The following GABBR2 variants were observed in gnomAD, a reference collection of about 807,000 sequenced individuals.
GABBR2 encodes the protein gamma-aminobutyric acid type B receptor subunit 2.
A neutral mutation model predicts 105.6 loss-of-function variants in GABBR2; 23 were observed. The observed-to-expected ratio is 0.22, with a 90% CI of 0.16 to 0.31. GABBR2 has a LOEUF of 0.31. GABBR2 is among the 10% of genes least tolerant of loss of function. GABBR2 has a pLI of 1.00. For missense variants in GABBR2, 734 were observed against 1,245.5 expected, an observed-to-expected ratio of 0.59 and a Z score of 6.18; for synonymous variants, 478 against 499.7, an observed-to-expected ratio of 0.96 and a Z score of 0.58.
chr9:98,600,685 C>G (rs1829316322), intron 1 of GABBR2, among the ~76,000 whole-genome samples: 2 of 152,206 alleles, frequency 1.3e-5, no homozygotes, highest in Admixed American at 1.3e-4. Flanking sequence ...TGCAGGTTCC[C>G]CAAGGCAGAA....
chr9:98,611,109 G>T (rs912298315), intron 1 of GABBR2, among the ~76,000 whole-genome samples: 4 of 152,178 alleles, frequency 2.6e-5, no homozygotes, highest in Non-Finnish European at 4.4e-5. Flanking sequence ...GCTGCCTACA[G>T]AACCACCATC....
intron 3 of GABBR2, among the ~76,000 whole-genome samples, chr9:98,512,341 C>T (rs528758064): frequency 1.3e-4 from 19 of 150,452 alleles, no homozygotes; most frequent in South Asian, 8.7e-4. Context: ...CCTTTGAAAA[C>T]GGGCACAAGA....
chr9:98,388,928 G>C lies in GABBR2; in HGVS notation c.1455C>G (p.Leu485=), dbSNP rs772764618. Residue 485 remains leucine (L), a synonymous_variant, in exon 10 of 19, where the codon CTC becomes CTG. Coordinates refer to ENST00000259455, the MANE Select transcript of GABBR2 (RefSeq NM_005458.8). This position sits in a 1 kb window ranked among gnomAD's most constrained non-coding sequence, Gnocchi z 4.4. The part of the protein sequence containing the change: ...RKISLPLYSI[L]SALTILGMIM... The stretch of plus-strand genomic sequence containing the variant: ...TCATCCCGAGGATGGTGAGGGCAGA[G>C]AGGATGCTGTAGAGAGGTAGGGAGA... The C allele has an allele frequency of 2.5e-6, 4 of 1,613,694 alleles. No individual in the cohort carries two copies. Among genetic ancestry groups the C allele is most frequent in the South Asian group, 1.1e-5 (1 of 91,048 alleles).
chr9:98,434,079 T>A (rs1384740655), intron 7 of GABBR2, among the ~76,000 whole-genome samples: 1 of 152,108 alleles, frequency 6.6e-6, no homozygotes, highest in Non-Finnish European at 1.5e-5. Flanking sequence ...CACAATCTAA[T>A]CAGCTGCCAA....
chr9:98,501,125 GC>G (rs5899345), intron 3 of GABBR2, among the ~76,000 whole-genome samples: 55,192 of 119,096 alleles, frequency 0.46, 11,548 homozygotes, highest in African/African-American at 0.57. Flanking sequence ...AGGAACCACT[GC>G]CCCCCCCCCT....
intron 3 of GABBR2, among the ~76,000 whole-genome samples, chr9:98,506,264 G>T (rs758070696): frequency 6.6e-6 from 1 of 152,156 alleles, no homozygotes; most frequent in South Asian, 2.1e-4. Flanking sequence ...TGAGTATGGG[G>T]GCTGTAACAT....
intron 7 of GABBR2, among the ~76,000 whole-genome samples, chr9:98,429,288 C>T (rs1469017189): frequency 6.6e-6 from 1 of 151,920 alleles, no homozygotes; most frequent in African/African-American, 2.4e-5. Flanking sequence ...CACAGGCATG[C>T]ACCACCATGC....
At chr9:98,343,322 C>T (rs184690712) in intron 13 of GABBR2, among the ~76,000 whole-genome samples, 1 of 152,240 alleles carries the variant, frequency 6.6e-6, no homozygotes, top group Admixed American at 6.5e-5. Flanking sequence ...AGGATCCTGC[C>T]ACAGTGGCTG....
chr9:98,479,550 CG>C (rs1826867730), intron 5 of GABBR2, among the ~76,000 whole-genome samples: 1 of 152,196 alleles, frequency 6.6e-6, no homozygotes, highest in African/African-American at 2.4e-5. Flanking sequence ...AGAAGATGAT[CG>C]GACAGTTCTC....
chr9:98,580,073 C>T (rs945834127), intron 1 of GABBR2, among the ~76,000 whole-genome samples: 1 of 152,176 alleles, frequency 6.6e-6, no homozygotes, highest in African/African-American at 2.4e-5. Flanking sequence ...GCTGCTGACT[C>T]CCAATCTGGC....
chr9:98,323,963 G>C (rs1363951286), intron 13 of GABBR2, among the ~76,000 whole-genome samples: 1 of 152,142 alleles, frequency 6.6e-6, no homozygotes, highest in Non-Finnish European at 1.5e-5. Flanking sequence ...TCAATGTCAA[G>C]GTTTTCAGTT....
At chr9:98,449,233 G>A (rs981539621) in intron 7 of GABBR2, among the ~76,000 whole-genome samples, 18 of 152,014 alleles carry the variant, frequency 1.2e-4, no homozygotes, top group African/African-American at 3.1e-4. Flanking sequence ...TCCCCTAAGC[G>A]AAACCGTCTT....
chr9:98,622,386 G>C (rs1829681236), intron 1 of GABBR2, among the ~76,000 whole-genome samples: 1 of 152,056 alleles, frequency 6.6e-6, no homozygotes, highest in Non-Finnish European at 1.5e-5. Context: ...GGCTGGTCTT[G>C]AACTCCTGGA....
intron 3 of GABBR2, among the ~76,000 whole-genome samples, chr9:98,512,835 G>T (rs1432906419): frequency 6.6e-6 from 1 of 152,154 alleles, no homozygotes; most frequent in East Asian, 1.9e-4. Context: ...ACTGCCCAAG[G>T]TAATTTATAG....
At chr9:98,412,215 C>A (rs930443349) in intron 7 of GABBR2, among the ~76,000 whole-genome samples, 2 of 152,248 alleles carry the variant, frequency 1.3e-5, no homozygotes, top group East Asian at 3.8e-4. Flanking sequence ...GTGTTACAGG[C>A]AACGCCTGGG....
intron 13 of GABBR2, among the ~76,000 whole-genome samples, chr9:98,316,350 C>T (rs1223971752): frequency 2.6e-5 from 4 of 152,162 alleles, no homozygotes; most frequent in Non-Finnish European, 4.4e-5. Flanking sequence ...CGGGGTTTCT[C>T]CATGTTGGTC....
At chr9:98,355,908 CA>C (rs1166783524) in intron 13 of GABBR2, among the ~76,000 whole-genome samples, 1 of 152,186 alleles carries the variant, frequency 6.6e-6, no homozygotes, top group Non-Finnish European at 1.5e-5. Context: ...TACACCCACA[CA>C]AACACAGTCA....
chr9:98,427,083 C>T (rs138948686), intron 7 of GABBR2, among the ~76,000 whole-genome samples: 68 of 152,270 alleles, frequency 4.5e-4, no homozygotes, highest in African/African-American at 1.5e-3. Flanking sequence ...TTGATGGTCC[C>T]AGTGTTTGCC....
At chr9:98,467,360 T>G (rs1380134270) in intron 6 of GABBR2, among the ~76,000 whole-genome samples, 1 of 152,140 alleles carries the variant, frequency 6.6e-6, no homozygotes, top group East Asian at 1.9e-4. Context: ...CCAGTCAGCC[T>G]TTTCCTTCTG....
Sources: allele counts gnomAD v4.1 joint callset (sites outside exome capture counted in the v4.1 genomes callset), GRCh38; gene constraint gnomAD v4.1.1; non-coding constraint Gnocchi (gnomAD v3.1); transcripts MANE v1.5; gene names NCBI Gene and HGNC (gene_info 2026-07-23, HGNC 2026-07-21).